THSD4: variants seen among roughly 807,000 people sequenced by gnomAD.
THSD4 encodes the protein thrombospondin type 1 domain containing 4.
A neutral mutation model predicts 119.0 loss-of-function variants in THSD4; 69 were observed. That is an observed-to-expected ratio of 0.58 (90% confidence interval 0.48 to 0.71). The LOEUF is 0.71. THSD4 is among the 30% of genes least tolerant of loss of function. The pLI is 0.00. For synonymous variants in THSD4, 524 were observed against 540.4 expected (o/e 0.97, Z 0.42); for missense variants, 1,393 against 1,391.1 (o/e 1.00, Z -0.02).
rs1442458515 is a variant in THSD4 at position 71,408,430 on chromosome 15, A to G, written c.1016-3257A>G. On this transcript the variant is annotated intron_variant, in intron 6 of 17. Coordinates refer to ENST00000261862, the MANE Select transcript of THSD4 (RefSeq NM_024817.3). ...AATTTTTTTGTAGAGACAGGGTCTCATTATGTTGCCCAGGCTGGTCTTGGA... is the reference window on the plus strand; with the variant it reads ...AATTTTTTTGTAGAGACAGGGTCTCGTTATGTTGCCCAGGCTGGTCTTGGA... 2.6e-5 allele frequency among the ~76,000 whole-genome samples: 4 copies of G among 152,090 alleles called. No individual in the cohort carries two copies. The East Asian group carries it at 7.7e-4, about 29-fold the overall frequency.
chr15:71,543,558 A>G lies in THSD4; in HGVS notation c.1153-116972A>G, dbSNP rs76993837. Among the ~76,000 whole-genome samples, 25 of 152,312 alleles carry G rather than the reference A, an allele frequency of 1.6e-4. No homozygotes were observed. In the East Asian group the frequency reaches 2.5e-3, roughly 15 times the overall value. The stretch of plus-strand genomic sequence containing the variant: ...GCCCCTGGGAATTATATGGATAATG[A>G]TGTCATTTACTGAGATGGAGGAAAC... On this transcript the variant is annotated intron_variant, in intron 7 of 17. Coordinates refer to ENST00000261862, the MANE Select transcript of THSD4 (RefSeq NM_024817.3).
intron 7 of THSD4, among the ~76,000 whole-genome samples, chr15:71,575,496 CAAG>C (rs2049432548): frequency 6.6e-6 from 1 of 152,102 alleles, no homozygotes. Flanking sequence ...AATGAATGAA[CAAG>C]AAGAGTACCT....
At position 71,450,594 on chromosome 15, in the gene THSD4, A is replaced by G. The variant is rs2047249286; in HGVS notation, c.1152+38771A>G. Among the ~76,000 whole-genome samples the G allele has an allele frequency of 2.0e-5, 3 of 152,350 alleles. No individual in the cohort carries two copies. The South Asian group carries it at 6.2e-4, about 32-fold the overall frequency. ...GCATCCAAGGTTATGTAACAAGTAT[A>G]AATTAGTGACAAATTGGAGTCTGTG... is the stretch of plus-strand genomic sequence containing the variant. On this transcript the variant is annotated intron_variant, in intron 7 of 17. Coordinates refer to ENST00000261862, the MANE Select transcript of THSD4 (RefSeq NM_024817.3).
At chr15:71,432,493 A>G (rs923287503) in intron 7 of THSD4, among the ~76,000 whole-genome samples, 2 of 151,222 alleles carry the variant, frequency 1.3e-5, no homozygotes, top group African/African-American at 4.9e-5. Flanking sequence ...AACAGCATGA[A>G]GCATATATAA....
At chr15:71,754,077 TTC>T (rs1348776351) in intron 14 of THSD4, among the ~76,000 whole-genome samples, 6 of 123,632 alleles carry the variant, frequency 4.9e-5, no homozygotes, top group African/African-American at 1.8e-4. Flanking sequence ...TTACCTTTTA[TTC>T]TTTTTTTTTT....
chr15:71,680,466 T>C (rs994461443), intron 8 of THSD4, among the ~76,000 whole-genome samples: 3 of 152,098 alleles, frequency 2.0e-5, no homozygotes, highest in Admixed American at 6.6e-5. Flanking sequence ...ATAATTTCTG[T>C]TGGTAGGGTA....
chr15:71,286,992 C>G (rs1398549321), intron 6 of THSD4, among the ~76,000 whole-genome samples: 1 of 152,102 alleles, frequency 6.6e-6, no homozygotes, highest in Admixed American at 6.5e-5. Flanking sequence ...TGGGGTTATT[C>G]CGAATTTTGC....
chr15:71,403,800 G>A (rs139940299), intron 6 of THSD4, among the ~76,000 whole-genome samples: 110 of 152,276 alleles, frequency 7.2e-4, no homozygotes, highest in Middle Eastern at 3.4e-3. Flanking sequence ...CTGCCCTTAT[G>A]CATTGCCCCT....
intron 7 of THSD4, among the ~76,000 whole-genome samples, chr15:71,463,489 G>C (rs2047454399): frequency 6.6e-6 from 1 of 152,140 alleles, no homozygotes; most frequent in African/African-American, 2.4e-5. Flanking sequence ...GAAAGACTTT[G>C]CTAAATGCCT....
At chr15:71,668,023 A>G (rs181664941) in intron 8 of THSD4, among the ~76,000 whole-genome samples, 1 of 152,310 alleles carries the variant, frequency 6.6e-6, no homozygotes, top group Admixed American at 6.5e-5. Context: ...ATTAATACAT[A>G]TAAGCCTATG....
intron 7 of THSD4, among the ~76,000 whole-genome samples, chr15:71,631,965 T>A (rs2140946468): frequency 6.6e-6 from 1 of 152,316 alleles, no homozygotes; most frequent in Admixed American, 6.5e-5. Context: ...GTTCTCAGCT[T>A]TGTGTCTTAC....
At chr15:71,690,915 G>A (rs376796790) in intron 8 of THSD4, among the ~76,000 whole-genome samples, 1 of 152,186 alleles carries the variant, frequency 6.6e-6, no homozygotes, top group Non-Finnish European at 1.5e-5. Flanking sequence ...TGGGAATACA[G>A]CCAAACCATA....
intron 6 of THSD4, among the ~76,000 whole-genome samples, chr15:71,353,854 C>T (rs1055898511): frequency 1.1e-4 from 17 of 152,310 alleles, no homozygotes; most frequent in Non-Finnish European, 1.9e-4. Flanking sequence ...AGCTTTGGTT[C>T]CCTCCTCTCT....
intron 7 of THSD4, among the ~76,000 whole-genome samples, chr15:71,497,342 A>G (rs1306398224): frequency 6.6e-6 from 1 of 152,054 alleles, no homozygotes; most frequent in Non-Finnish European, 1.5e-5. Flanking sequence ...GCAATACCCC[A>G]TCTCTATTAA....
At chr15:71,114,886 T>C (rs1387876158), upstream of THSD4, 1 of 152,260 alleles carries the variant, frequency 6.6e-6, no homozygotes, top group Non-Finnish European at 1.5e-5. Flanking sequence ...GCTCTTGTCC[T>C]TTCCCCTTGG....
chr15:71,162,310 T>A (rs889143556), intron 3 of THSD4, among the ~76,000 whole-genome samples: 1 of 152,068 alleles, frequency 6.6e-6, no homozygotes, highest in African/African-American at 2.4e-5. Context: ...GTAAGGCCAG[T>A]ATAGTAGTGA....
chr15:71,715,577 G>T (rs1319391979), intron 8 of THSD4, among the ~76,000 whole-genome samples: 2 of 151,238 alleles, frequency 1.3e-5, no homozygotes, highest in Non-Finnish European at 3.0e-5. Context: ...AGAACAGAAT[G>T]TGGAAGCCAC....
At chr15:71,283,278 C>T (rs8032020) in intron 6 of THSD4, among the ~76,000 whole-genome samples, 116,249 of 152,096 alleles carry the variant, frequency 0.76, 44,617 homozygotes, top group East Asian at 0.85. Context: ...CAGGTCAGAT[C>T]TTTGTAACTC....
chr15:71,481,724 A>G (rs761344032), intron 7 of THSD4, among the ~76,000 whole-genome samples: 1 of 152,198 alleles, frequency 6.6e-6, no homozygotes, highest in Non-Finnish European at 1.5e-5. Context: ...ATATGCTCAT[A>G]GTTGGATAGA....
Sources: gnomAD v4.1 joint callset for allele counts (sites outside exome capture counted in the v4.1 genomes callset) on GRCh38, gnomAD v4.1.1 for gene constraint, MANE v1.5 for transcripts, NCBI Gene and HGNC (gene_info 2026-07-23, HGNC 2026-07-21) for gene names.